Variants in MLLT10 observed in about 807,000 individuals in gnomAD.
MLLT10 encodes the protein MLLT10 histone lysine methyltransferase DOT1L cofactor.
A neutral mutation model predicts 129.1 loss-of-function variants in MLLT10; 30 were observed. The observed-to-expected ratio is 0.23, with a 90% confidence interval of 0.17 to 0.32. MLLT10 has a LOEUF of 0.32. Ranked by LOEUF, MLLT10 falls within the 10% of genes least tolerant of loss-of-function variation. The pLI is 1.00. For missense variants in MLLT10, 1,119 were observed against 1,268.3 expected (o/e 0.88, Z 1.79); for synonymous variants, 490 against 446.4 (o/e 1.10, Z -1.23).
At chr10:21,651,883 G>T in intron 9 of MLLT10, 115 bp downstream of exon 9, 1 of 455,298 alleles carries the variant, frequency 2.2e-6, no homozygotes. Context: ...CCACATATCA[G>T]GCACTTAGAA....
At chr10:21,727,319 A>C (rs981132471) in intron 15 of MLLT10, among the ~76,000 whole-genome samples, 2 of 152,190 alleles carry the variant, frequency 1.3e-5, no homozygotes, top group African/African-American at 4.8e-5. Flanking sequence ...CTGTATTCCT[A>C]CTTGTTTTTG....
chr10:21,544,500 C>T (rs1021309106), intron 3 of MLLT10, among the ~76,000 whole-genome samples: 1 of 151,882 alleles, frequency 6.6e-6, no homozygotes, highest in Non-Finnish European at 1.5e-5. Flanking sequence ...CTGACAGATA[C>T]CGAACAGTAA....
At chr10:21,556,569 GT>G in intron 3 of MLLT10, 1 of 1,210,218 alleles carries the variant, frequency 8.3e-7, no homozygotes, top group Non-Finnish European at 1.2e-6. Flanking sequence ...AAGCTTTGCA[GT>G]TTTCTAGGGC....
chr10:21,644,840 A>C (rs1377400697), intron 8 of MLLT10, among the ~76,000 whole-genome samples: 3 of 152,068 alleles, frequency 2.0e-5, no homozygotes, highest in Non-Finnish European at 4.4e-5. Context: ...TGTGTTGCCC[A>C]GGCTGATGTC....
chr10:21,607,449 TAG>T (rs752612298), intron 5 of MLLT10, among the ~76,000 whole-genome samples: 5 of 151,580 alleles, frequency 3.3e-5, no homozygotes, highest in Admixed American at 6.6e-5. Flanking sequence ...GCCTCCTGAG[TAG>T]CTGGGATTAC....
rs146673339 is a variant in MLLT10, at chr10:21,699,062, A to G, written c.1700-14710A>G. Among the ~76,000 whole-genome samples, 1,375 of 152,238 alleles carry G rather than the reference A, an allele frequency of 9.0e-3. 14 individuals are homozygous for G. The highest frequency in any genetic ancestry group is 0.031 in the African/African-American group (1,296 of 41,530). On this transcript the variant is annotated intron_variant, in intron 13 of 22. Coordinates refer to ENST00000307729, the MANE Select transcript of MLLT10 (RefSeq NM_001195626.3). ...GCTAATTTTTGTACTTTTAGTAGAT[A>G]CAGGGTTTTGCCATGTTGGCCAGGC... is the stretch of plus-strand genomic sequence containing the variant.
At chr10:21,538,156 T>G (rs2034424032) in intron 2 of MLLT10, among the ~76,000 whole-genome samples, 2 of 127,576 alleles carry the variant, frequency 1.6e-5, no homozygotes, top group South Asian at 2.2e-4. Flanking sequence ...CCCAGCTAAT[T>G]TTTTTTTTTT....
In MLLT10 at chr10:21,606,667, T is replaced by C. The variant is rs2044099930; in HGVS notation, c.406-5681T>C. On this transcript the variant is annotated intron_variant, in intron 5 of 22. Coordinates refer to ENST00000307729, the MANE Select transcript of MLLT10 (RefSeq NM_001195626.3). ...TAAAATTAGAAGTGGAGCCTGAAGA[T>C]GTGACTGAATTGCTGCAATCTCATG... Among the ~76,000 whole-genome samples, 3 of 152,218 alleles carry C rather than the reference T, an allele frequency of 2.0e-5. 1 individual carries two copies. The highest frequency in any genetic ancestry group is 2.0e-4 in the Admixed American group (3 of 15,282).
Position 21,534,319 on chromosome 10 carries a change from C to CT in MLLT10, c.-202_-201insT, listed in dbSNP as rs1354111629. 3.0e-5 allele frequency: 12 copies of CT among 395,510 alleles called. No homozygotes were observed. Among genetic ancestry groups the CT allele is most frequent in the Non-Finnish European group, 4.5e-5 (10 of 222,930 alleles). The allele number at this position is 395,510 out of a possible 1,614,324, so 24.5% of individuals were successfully genotyped here. ...GGCCCAGCGGGAGCCCCCCCTCCCC[C>CT]CAGTGCGCCTGTGCGGAGGCCCTCT... On this transcript the variant is annotated 5_prime_UTR_variant, in exon 1 of 23. Coordinates refer to ENST00000307729, the MANE Select transcript of MLLT10 (RefSeq NM_001195626.3).
intron 3 of MLLT10, among the ~76,000 whole-genome samples, chr10:21,576,770 A>G (rs1437547925): frequency 6.6e-6 from 1 of 151,874 alleles, no homozygotes; most frequent in African/African-American, 2.4e-5. Context: ...AGCTAGGATT[A>G]TAGGCATGTG....
chr10:21,657,895 GTTTCT>G (rs2049772123), intron 9 of MLLT10, among the ~76,000 whole-genome samples: 1 of 151,938 alleles, frequency 6.6e-6, no homozygotes, highest in South Asian at 2.1e-4. Flanking sequence ...AAATTTTAAT[GTTTCT>G]TTAAGGATCA....
chr10:21,576,988 A>G (rs1414503352), intron 3 of MLLT10, among the ~76,000 whole-genome samples: 3 of 152,184 alleles, frequency 2.0e-5, no homozygotes, highest in Non-Finnish European at 2.9e-5. Context: ...GAACACTTGT[A>G]TCCCCTCAAG....
At chr10:21,631,920 G>GT (rs1170301666) in intron 8 of MLLT10, among the ~76,000 whole-genome samples, 37 of 125,354 alleles carry the variant, frequency 3.0e-4, no homozygotes, top group South Asian at 7.5e-4. Flanking sequence ...AACTTGAAGA[G>GT]TTTTTTTTTT....
chr10:21,642,707 G>A (rs1197747578), intron 8 of MLLT10, among the ~76,000 whole-genome samples: 3 of 151,380 alleles, frequency 2.0e-5, no homozygotes, highest in Non-Finnish European at 4.4e-5. Flanking sequence ...TTATTATCCT[G>A]ATTGAAACCT....
intron 5 of MLLT10, among the ~76,000 whole-genome samples, chr10:21,598,117 C>G (rs2043183900): frequency 6.6e-6 from 1 of 152,156 alleles, no homozygotes; most frequent in Non-Finnish European, 1.5e-5. Context: ...TCTAATTTCA[C>G]CCTTTCTTTT....
At chr10:21,550,267 A>G (rs1331990586) in intron 3 of MLLT10, among the ~76,000 whole-genome samples, 1 of 152,144 alleles carries the variant, frequency 6.6e-6, no homozygotes, top group Non-Finnish European at 1.5e-5. Context: ...GGATTTCTAG[A>G]GTGAGTCATC....
At chr10:21,593,926 TAAAAAAAAAAAA>T (rs61561146) in intron 4 of MLLT10, among the ~76,000 whole-genome samples, 26 of 45,430 alleles carry the variant, frequency 5.7e-4, no homozygotes, top group Middle Eastern at 0.017. Context: ...GCTTTGTCTT[TAAAAAAAAAAAA>T]AAAAAAAAAA....
At chr10:21,576,804 T>C (rs1306627751) in intron 3 of MLLT10, among the ~76,000 whole-genome samples, 4 of 152,102 alleles carry the variant, frequency 2.6e-5, no homozygotes, top group Non-Finnish European at 5.9e-5. Flanking sequence ...CTAATTTTTG[T>C]ATTTTTAGTA....
At chr10:21,541,704 AG>A (rs757815606) in intron 3 of MLLT10, among the ~76,000 whole-genome samples, 218 of 152,058 alleles carry the variant, frequency 1.4e-3, no homozygotes, top group Non-Finnish European at 2.4e-3. Context: ...ACTAGAAATG[AG>A]GTCTTGCTTT....
Sources: gnomAD v4.1 joint callset for allele counts (sites outside exome capture counted in the v4.1 genomes callset) on GRCh38, gnomAD v4.1.1 for gene constraint, MANE v1.5 for transcripts, NCBI Gene and HGNC (gene_info 2026-07-23, HGNC 2026-07-21) for gene names.